FILIP1L: variants seen among roughly 807,000 people sequenced by gnomAD.
The protein encoded by FILIP1L is filamin A-interacting protein 1-like.
A neutral mutation model predicts 96.6 loss-of-function variants in FILIP1L; 55 were observed. The ratio of observed to expected loss-of-function variants is 0.57; its 90% CI spans 0.46 to 0.71. FILIP1L has a LOEUF of 0.71. FILIP1L is among the 30% of genes least tolerant of loss of function. The probability of loss-of-function intolerance (pLI) is 0.00; values close to 1 mark genes in which losing one functional copy is unlikely to be tolerated. For synonymous variants in FILIP1L, 467 were observed against 473.9 expected (o/e 0.99, Z 0.19); for missense variants, 1,304 against 1,321.2 (o/e 0.99, Z 0.20).
At chr3:100,091,189 G>A (rs1382497760) in intron 1 of FILIP1L, among the ~76,000 whole-genome samples, 2 of 151,718 alleles carry the variant, frequency 1.3e-5, no homozygotes, top group African/African-American at 4.8e-5. Flanking sequence ...GGAGGCTGAG[G>A]CAGGAGAATG....
At chr3:99,838,979 C>G (rs968298277) in intron 5 of FILIP1L, among the ~76,000 whole-genome samples, 1 of 152,148 alleles carries the variant, frequency 6.6e-6, no homozygotes, top group Non-Finnish European at 1.5e-5. Flanking sequence ...CCAACCATCT[C>G]AACTTCATCC....
intron 1 of FILIP1L, among the ~76,000 whole-genome samples, chr3:100,036,422 C>T (rs2065109578): frequency 6.6e-6 from 1 of 152,150 alleles, no homozygotes; most frequent in South Asian, 2.1e-4. Flanking sequence ...AGGACTGCCA[C>T]TGGCCTAATC....
At chr3:99,999,687 T>C (rs1260799223) in intron 1 of FILIP1L, among the ~76,000 whole-genome samples, 1 of 152,182 alleles carries the variant, frequency 6.6e-6, no homozygotes, top group Non-Finnish European at 1.5e-5. Flanking sequence ...GGTTCATTGC[T>C]TTATGATTTG....
At chr3:99,852,958 A>T (rs1007996575) in intron 4 of FILIP1L, among the ~76,000 whole-genome samples, 3 of 152,194 alleles carry the variant, frequency 2.0e-5, no homozygotes, top group African/African-American at 7.2e-5. Context: ...AGGCTGGCCC[A>T]AGGGCTGTGG....
At chr3:99,937,252 A>G (rs899380809) in intron 1 of FILIP1L, among the ~76,000 whole-genome samples, 1 of 152,144 alleles carries the variant, frequency 6.6e-6, no homozygotes, top group Non-Finnish European at 1.5e-5. Flanking sequence ...TTATTTTCAT[A>G]TGTGGACCAA....
chr3:100,010,612 CT>C (rs71625546), intron 1 of FILIP1L, among the ~76,000 whole-genome samples: 271 of 141,298 alleles, frequency 1.9e-3, no homozygotes, highest in Middle Eastern at 3.6e-3. Context: ...GTTTTTCTTT[CT>C]TTTTTTTTTT....
chr3:100,063,871 C>T (rs913904990), intron 1 of FILIP1L, among the ~76,000 whole-genome samples: 12 of 152,210 alleles, frequency 7.9e-5, no homozygotes, highest in Non-Finnish European at 1.8e-4. Flanking sequence ...TGTTCTGTTA[C>T]TTGAAGTATA....
At chr3:100,016,133 T>G (rs1409765923) in intron 1 of FILIP1L, among the ~76,000 whole-genome samples, 3 of 152,196 alleles carry the variant, frequency 2.0e-5, no homozygotes, top group African/African-American at 7.2e-5. Context: ...AGAGGTCTCT[T>G]TATCACTCTC....
chr3:100,006,372 A>G (rs1709985740), intron 1 of FILIP1L, among the ~76,000 whole-genome samples: 1 of 152,082 alleles, frequency 6.6e-6, no homozygotes, highest in Admixed American at 6.6e-5. Flanking sequence ...CTTCCTTTGA[A>G]TACCTTTGCC....
chr3:100,003,100 A>G (rs139760901), intron 1 of FILIP1L, among the ~76,000 whole-genome samples: 100 of 152,204 alleles, frequency 6.6e-4, no homozygotes, highest in African/African-American at 2.2e-3. Flanking sequence ...TGCCATCCCT[A>G]TTATTCAGCA....
chr3:100,053,803 T>A (rs1212085072), intron 1 of FILIP1L, among the ~76,000 whole-genome samples: 1 of 152,224 alleles, frequency 6.6e-6, no homozygotes, highest in South Asian at 2.1e-4. Flanking sequence ...ATCAATTCTT[T>A]AGTGACTGCC....
rs764769452 is a variant in FILIP1L, at chr3:99,848,699, G to T, written c.2977C>A (p.Leu993Ile). 6.2e-7 allele frequency: 1 copy of T among 1,614,194 alleles called. No individual in the cohort carries two copies. The highest frequency in any genetic ancestry group is 2.2e-5 in the East Asian group (1 of 44,878). The change falls in exon 5 of 6, where the codon CTA (leucine) becomes ATA (isoleucine). Residue 993 changes from leucine (L) to isoleucine (I), a missense_variant. Coordinates refer to ENST00000477258, the MANE Select transcript of FILIP1L (RefSeq NM_001387850.1). ...RAQTPESCGS[L>I]TPERTMSPIQ... is the part of the protein sequence containing the mutation. ...GGGGACATTGTCCTTTCTGGAGTTAGAGAACCACAAGACTCTGGGGTCTGT... is the reference window on the plus strand; with the variant it reads ...GGGGACATTGTCCTTTCTGGAGTTATAGAACCACAAGACTCTGGGGTCTGT...
chr3:99,876,426 T>C (rs898392355), intron 4 of FILIP1L, among the ~76,000 whole-genome samples: 3 of 152,228 alleles, frequency 2.0e-5, no homozygotes, highest in Non-Finnish European at 4.4e-5. Flanking sequence ...CCTGTCGGGC[T>C]AACAAAGTCA....
chr3:99,878,833 A>G (rs957977205), intron 4 of FILIP1L, among the ~76,000 whole-genome samples: 2 of 152,256 alleles, frequency 1.3e-5, no homozygotes, highest in Non-Finnish European at 2.9e-5. Flanking sequence ...ATTGTGCGCC[A>G]TTGGCCACAT....
chr3:99,964,386 G>A (rs972744384), intron 1 of FILIP1L: 1 of 149,816 alleles, frequency 6.7e-6, no homozygotes, highest in Admixed American at 6.6e-5. Context: ...CATATGCCTT[G>A]TACTGGGCTA....
At chr3:99,867,887 T>C (rs1023610071) in intron 4 of FILIP1L, among the ~76,000 whole-genome samples, 2 of 152,212 alleles carry the variant, frequency 1.3e-5, no homozygotes, top group African/African-American at 2.4e-5. Flanking sequence ...GTTGTAAGTA[T>C]GCTGTAAAAG....
intron 4 of FILIP1L, among the ~76,000 whole-genome samples, chr3:99,867,549 G>A (rs1174077520): frequency 1.3e-5 from 2 of 152,170 alleles, no homozygotes; most frequent in African/African-American, 4.8e-5. Context: ...TGATGGACAG[G>A]AAATGTTGGA....
At chr3:99,908,029 C>T (rs576684846) in intron 4 of FILIP1L, among the ~76,000 whole-genome samples, 91 of 152,342 alleles carry the variant, frequency 6.0e-4, no homozygotes, top group Non-Finnish European at 1.1e-3. Flanking sequence ...AAATATTGAT[C>T]TGGTCATGCA....
intron 1 of FILIP1L, among the ~76,000 whole-genome samples, chr3:100,058,970 A>G (rs557639861): frequency 6.6e-6 from 1 of 152,384 alleles, no homozygotes; most frequent in African/African-American, 2.4e-5. Flanking sequence ...GTGCAAGTTC[A>G]GGAAAAGGTC....
Sources: gnomAD v4.1 joint callset for allele counts (sites outside exome capture counted in the v4.1 genomes callset) on GRCh38, gnomAD v4.1.1 for gene constraint, MANE v1.5 for transcripts, NCBI Gene and HGNC (gene_info 2026-07-23, HGNC 2026-07-21) for gene names.